Variants in PTK2B observed in about 807,000 individuals in gnomAD.
The protein encoded by PTK2B is protein-tyrosine kinase 2-beta.
Under a neutral mutation model 142.9 loss-of-function variants are expected in PTK2B, and 71 were observed. That is an observed-to-expected ratio of 0.50 (90% CI 0.41 to 0.61). The LOEUF is 0.61. Among genes scored for constraint, PTK2B ranks in the 20% least tolerant of loss-of-function variants. The probability of loss-of-function intolerance (pLI) is 0.00; values close to 1 mark genes in which losing one functional copy is unlikely to be tolerated. For synonymous variants in PTK2B, 519 were observed against 503.4 expected, an observed-to-expected ratio of 1.03 and a Z score of -0.42; for missense variants, 1,105 against 1,320.4, an observed-to-expected ratio of 0.84 and a Z score of 2.53.
At chr8:27,406,454 G>A (rs1056236282) in intron 2 of PTK2B, among the ~76,000 whole-genome samples, 1 of 152,304 alleles carries the variant, frequency 6.6e-6, no homozygotes, top group Admixed American at 6.5e-5. Context: ...GTACCCAGAT[G>A]TACAGCAGTG....
intron 2 of PTK2B, among the ~76,000 whole-genome samples, chr8:27,406,887 T>C (rs1249148911): frequency 6.6e-6 from 1 of 152,192 alleles, no homozygotes; most frequent in African/African-American, 2.4e-5. Flanking sequence ...AGGCAGGCAC[T>C]GCATGTCACC....
intron 1 of PTK2B, among the ~76,000 whole-genome samples, chr8:27,373,897 G>A (rs1806508407): frequency 6.6e-6 from 1 of 151,898 alleles, no homozygotes; most frequent in African/African-American, 2.4e-5. Flanking sequence ...GAGGTGTTTG[G>A]TGGGAGAAGA....
intron 2 of PTK2B, among the ~76,000 whole-genome samples, chr8:27,417,999 C>T (rs963835723): frequency 2.0e-5 from 3 of 152,266 alleles, no homozygotes; most frequent in Admixed American, 6.5e-5. Context: ...GTTAACTTCA[C>T]GGGCTTGCAC....
chr8:27,444,981 G>T (rs1232600691), intron 23 of PTK2B, among the ~76,000 whole-genome samples: 2 of 152,002 alleles, frequency 1.3e-5, no homozygotes, highest in Non-Finnish European at 2.9e-5. Flanking sequence ...ACCATCTAAG[G>T]ACTAATAGAT....
chr8:27,358,912 TAATC>T (rs1236958074), intron 1 of PTK2B, among the ~76,000 whole-genome samples: 2 of 152,170 alleles, frequency 1.3e-5, no homozygotes, highest in Non-Finnish European at 1.5e-5. Flanking sequence ...GGTCTAACAT[TAATC>T]AATATCATTA....
At chr8:27,447,137 C>T (rs1811521227) in intron 24 of PTK2B, among the ~76,000 whole-genome samples, 1 of 152,172 alleles carries the variant, frequency 6.6e-6, no homozygotes, top group Admixed American at 6.5e-5. Context: ...TTGCCTTCGT[C>T]CAATTTCCTG....
chr8:27,328,406 C>T (rs1445893009), intron 1 of PTK2B, among the ~76,000 whole-genome samples: 1 of 152,152 alleles, frequency 6.6e-6, no homozygotes, highest in African/African-American at 2.4e-5. Context: ...AATTAGGGTC[C>T]TCCTAAAAGG....
intron 1 of PTK2B, among the ~76,000 whole-genome samples, chr8:27,340,584 C>T (rs780392654): frequency 6.6e-6 from 1 of 152,206 alleles, no homozygotes; most frequent in Non-Finnish European, 1.5e-5. Context: ...ATAGGATAGG[C>T]AGTTGCAAGA....
intron 1 of PTK2B, chr8:27,380,774 G>GGA (rs1163853420): frequency 1.3e-5 from 2 of 152,210 alleles, no homozygotes; most frequent in East Asian, 3.9e-4. Flanking sequence ...GGGTCCCAGT[G>GGA]GAGAGGCCTC....
At chr8:27,352,052 G>A (rs997315082) in intron 1 of PTK2B, among the ~76,000 whole-genome samples, 5 of 152,182 alleles carry the variant, frequency 3.3e-5, no homozygotes, top group Non-Finnish European at 4.4e-5. Flanking sequence ...TGACAGCAGC[G>A]GCTCTGCTGT....
intron 1 of PTK2B, among the ~76,000 whole-genome samples, chr8:27,362,147 T>A (rs146090530): frequency 1.2e-3 from 187 of 152,296 alleles, no homozygotes; most frequent in African/African-American, 4.2e-3. Flanking sequence ...GAGCCTCCTG[T>A]CATTTTGCTG....
intron 1 of PTK2B, among the ~76,000 whole-genome samples, chr8:27,344,754 CTT>C (rs930441616): frequency 2.6e-5 from 4 of 152,168 alleles, no homozygotes; most frequent in Non-Finnish European, 4.4e-5. Context: ...ACTGTTGCGT[CTT>C]GTTTGGCCAC....
chr8:27,331,439 T>G (rs981312246), intron 1 of PTK2B, among the ~76,000 whole-genome samples: 1 of 151,232 alleles, frequency 6.6e-6, no homozygotes, highest in Non-Finnish European at 1.5e-5. Flanking sequence ...TCTGACCACT[T>G]GGAGCACCAT....
chr8:27,365,376 G>A (rs966237438), intron 1 of PTK2B, among the ~76,000 whole-genome samples: 10 of 152,284 alleles, frequency 6.6e-5, no homozygotes, highest in South Asian at 2.1e-4. Context: ...TCCCTAGCCC[G>A]AGGGAAGGCA....
rs35193569 is a variant in PTK2B, at chr8:27,415,692, A to G, written c.205-4203A>G. Among the ~76,000 whole-genome samples, 1,175 of 152,366 alleles carry G rather than the reference A, an allele frequency of 7.7e-3. 44 individuals are homozygous for G. Among genetic ancestry groups the G allele is most frequent in the Admixed American group, 0.055 (837 of 15,310 alleles). The stretch of plus-strand genomic sequence containing the variant: ...ACTAGCTTAAAGTGTCAGAGGATAC[A>G]ATATGAGATTGGCAGAGCAGCAAGA... On this transcript the variant is annotated intron_variant, in intron 2 of 30. Transcript: ENST00000346049.
chr8:27,400,447 TAAA>T (rs61165579), intron 2 of PTK2B, among the ~76,000 whole-genome samples: 20 of 136,804 alleles, frequency 1.5e-4, no homozygotes, highest in African/African-American at 5.0e-4. Flanking sequence ...AGGATTGAAT[TAAA>T]AAAAAAAAAA....
chr8:27,446,040 C>T, intron 24 of PTK2B, 121 bp downstream of exon 24: 1 of 1,412,668 alleles, frequency 7.1e-7, no homozygotes, highest in Non-Finnish European at 9.6e-7. Flanking sequence ...TCCCATGCAC[C>T]AGTCAGGCCA....
rs747504758 is a variant in PTK2B, at chr8:27,437,222, A to G, written c.1426+16A>G. 6.2e-7 allele frequency: 1 copy of G among 1,604,688 alleles called. No individual in the cohort carries two copies. Among genetic ancestry groups the G allele is most frequent in the Admixed American group, 1.7e-5 (1 of 60,006 alleles). On this transcript the variant is annotated intron_variant, in intron 16 of 30. Transcript: ENST00000346049. The stretch of plus-strand genomic sequence containing the variant: ...AGCGAGGCAGGTAGGGACCCCTGAG[A>G]CCAACCAGGCCTCCAAGATGGGAGG...
intron 4 of PTK2B, among the ~76,000 whole-genome samples, chr8:27,421,277 CCTAT>C (rs1162256075): frequency 4.5e-5 from 6 of 133,612 alleles, no homozygotes; most frequent in Non-Finnish European, 9.5e-5. Flanking sequence ...GTAGCACTTA[CCTAT>C]TTATTTATTT....
Sources: gnomAD v4.1 joint callset for allele counts (sites outside exome capture counted in the v4.1 genomes callset) on GRCh38, gnomAD v4.1.1 for gene constraint, MANE v1.5 for transcripts, NCBI Gene and HGNC (gene_info 2026-07-23, HGNC 2026-07-21) for gene names.